The following FARP1 variants were observed in gnomAD, a reference collection of about 807,000 sequenced individuals.
The protein encoded by FARP1 is FERM, ARHGEF and pleckstrin domain-containing protein 1.
In FARP1, 52 loss-of-function variants were observed where a neutral mutation model predicts 128.8. That is an observed-to-expected ratio of 0.40 (90% CI 0.32 to 0.51). The LOEUF is 0.51. Ranked by LOEUF, FARP1 falls within the 20% of genes least tolerant of loss-of-function variation. The pLI is 0.45. For missense variants in FARP1, 1,333 were observed against 1,367.9 expected (o/e 0.97, Z 0.40); for synonymous variants, 580 against 551.8 (o/e 1.05, Z -0.72).
At chr13:98,285,884 C>A (rs1183265968) in intron 2 of FARP1, among the ~76,000 whole-genome samples, 1 of 152,184 alleles carries the variant, frequency 6.6e-6, no homozygotes, top group Non-Finnish European at 1.5e-5. Context: ...TTGCTCCAGG[C>A]TACTGTCTTC....
chr13:98,240,301 C>T (rs1166540468), intron 2 of FARP1, among the ~76,000 whole-genome samples: 2 of 152,184 alleles, frequency 1.3e-5, no homozygotes, highest in Non-Finnish European at 2.9e-5. Flanking sequence ...GAGTGCTGGC[C>T]TTGAAACTCA....
intron 1 of FARP1, among the ~76,000 whole-genome samples, chr13:98,199,293 G>A (rs1216230567): frequency 6.6e-6 from 1 of 151,978 alleles, no homozygotes; most frequent in African/African-American, 2.4e-5. Flanking sequence ...TTTAAAATTC[G>A]TTTAATACCT....
intron 6 of FARP1, among the ~76,000 whole-genome samples, chr13:98,382,021 A>T (rs1350176314): frequency 1.3e-5 from 2 of 151,862 alleles, no homozygotes; most frequent in African/African-American, 4.8e-5. Flanking sequence ...CCAAGAGTTC[A>T]AGACTAGCCT....
intron 2 of FARP1, among the ~76,000 whole-genome samples, chr13:98,247,931 C>T (rs1326781524): frequency 3.3e-5 from 5 of 152,264 alleles, no homozygotes; most frequent in Non-Finnish European, 5.9e-5. Flanking sequence ...GATCAGCAGT[C>T]GTATGATAAG....
chr13:98,275,428 A>G (rs1219195870), intron 2 of FARP1, among the ~76,000 whole-genome samples: 2 of 151,066 alleles, frequency 1.3e-5, no homozygotes, highest in Non-Finnish European at 2.9e-5. Flanking sequence ...AGGATTGGCC[A>G]TGAGTTGATG....
chr13:98,188,811 G>A (rs564488760), intron 1 of FARP1, among the ~76,000 whole-genome samples: 38 of 152,308 alleles, frequency 2.5e-4, no homozygotes, highest in Non-Finnish European at 5.4e-4. Context: ...TGTTCGGGGG[G>A]TGAAACGGGG....
intron 2 of FARP1, among the ~76,000 whole-genome samples, chr13:98,293,198 C>G (rs1885524601): frequency 6.6e-6 from 1 of 152,142 alleles, no homozygotes; most frequent in Non-Finnish European, 1.5e-5. Context: ...GTTTTCTCTT[C>G]TAGCATAAAG....
chr13:98,293,022 A>G (rs1566841932), intron 2 of FARP1, among the ~76,000 whole-genome samples: 1 of 152,130 alleles, frequency 6.6e-6, no homozygotes, highest in Non-Finnish European at 1.5e-5. Flanking sequence ...TAGGAAAGAA[A>G]GGGGGAAGCA....
At chr13:98,438,028 T>C (rs1452873776) in intron 19 of FARP1, among the ~76,000 whole-genome samples, 1 of 152,182 alleles carries the variant, frequency 6.6e-6, no homozygotes, top group Admixed American at 6.5e-5. Flanking sequence ...ATGGTGGCGA[T>C]GGTGGGGCTA....
intron 2 of FARP1, among the ~76,000 whole-genome samples, chr13:98,319,827 C>A (rs1192429722): frequency 1.3e-5 from 2 of 151,950 alleles, no homozygotes; most frequent in African/African-American, 4.8e-5. Context: ...AATCTGGATA[C>A]CTACAGTTGC....
intron 1 of FARP1, among the ~76,000 whole-genome samples, chr13:98,146,474 C>T (rs1390066552): frequency 2.0e-5 from 3 of 152,180 alleles, no homozygotes; most frequent in Non-Finnish European, 2.9e-5. Flanking sequence ...GTGATTTGCC[C>T]GCTTCGGCCT....
intron 2 of FARP1, among the ~76,000 whole-genome samples, chr13:98,318,335 G>C (rs1361016272): frequency 1.3e-5 from 2 of 152,084 alleles, no homozygotes; most frequent in Non-Finnish European, 2.9e-5. Flanking sequence ...GGGATTTCAG[G>C]CATGAGCCAC....
chr13:98,279,666 G>T (rs1884838752), intron 2 of FARP1, among the ~76,000 whole-genome samples: 1 of 152,218 alleles, frequency 6.6e-6, no homozygotes, highest in Admixed American at 6.5e-5. Flanking sequence ...AGGAGCTTGG[G>T]TGGGGCCCCT....
At chr13:98,358,791 A>G (rs1888742755) in intron 3 of FARP1, among the ~76,000 whole-genome samples, 1 of 151,792 alleles carries the variant, frequency 6.6e-6, no homozygotes, top group South Asian at 2.1e-4. Context: ...ACCTGCCACC[A>G]CGCCCGGCTA....
rs1376430084 is a variant in FARP1 at position 98,448,942 on chromosome 13, A to C, written c.*625A>C. On this transcript the variant is annotated 3_prime_UTR_variant, in exon 27 of 27. Coordinates refer to ENST00000319562, the MANE Select transcript of FARP1 (RefSeq NM_005766.4). ...ACCTGAAAACACCTGTTCCCAACCT[A>C]CTTCTTGGTGCAAGTTGACCAAATC... is the stretch of plus-strand genomic sequence containing the variant. 1 of 152,114 alleles carries C rather than the reference A, an allele frequency of 6.6e-6. No individual in the cohort carries two copies. The highest frequency in any genetic ancestry group is 2.4e-5 in the African/African-American group (1 of 41,396). The allele number at this position is 152,114 out of a possible 1,614,324, so 9.4% of individuals were successfully genotyped here.
chr13:98,343,665 C>A, intron 2 of FARP1, 97 bp from the exon 3 acceptor site: 1 of 852,934 alleles, frequency 1.2e-6, no homozygotes, highest in Non-Finnish European at 2.0e-6. Flanking sequence ...GAAGGACCTG[C>A]AGACTTAGGA....
chr13:98,167,059 T>G (rs1877316260), intron 1 of FARP1, among the ~76,000 whole-genome samples: 1 of 152,170 alleles, frequency 6.6e-6, no homozygotes, highest in Non-Finnish European at 1.5e-5. Flanking sequence ...TGCACTTTTC[T>G]TACTACTCGT....
In FARP1 at chr13:98,295,086, CACACACACACACACACACAT is replaced by C. The variant is rs1468246221; in HGVS notation, c.172-48674_172-48655del. Reference sequence around the variant, plus strand: ...ACACACACACACACACACACACACACACACACACACACACACACATATATCCCCAGGCATTATTTATTTAT... The same window carrying C: ...ACACACACACACACACACACACACACATATCCCCAGGCATTATTTATTTAT... On this transcript the variant is annotated intron_variant, in intron 2 of 26. Coordinates refer to ENST00000319562, the MANE Select transcript of FARP1 (RefSeq NM_005766.4). Among the ~76,000 whole-genome samples, 236 of 78,850 alleles carry C rather than the reference CACACACACACACACACACAT, an allele frequency of 3.0e-3. 11 individuals are homozygous for C. Among genetic ancestry groups the C allele is most frequent in the African/African-American group, 3.9e-3 (80 of 20,684 alleles). 51.7% of individuals were successfully genotyped at this position (78,850 alleles called of 152,430 possible).
rs190035749 is a variant in FARP1 at position 98,185,141 on chromosome 13, G to A, written c.-23-28079G>A. Among the ~76,000 whole-genome samples, 272 of 152,306 alleles carry A rather than the reference G, an allele frequency of 1.8e-3. 1 individual carries two copies. The highest frequency in any genetic ancestry group is 6.2e-3 in the African/African-American group (259 of 41,570). ...AAGTAAAATGTAAAATAATTGGGAA[G>A]TGATGATTTTTGAGTATTCATTACT... is the stretch of plus-strand genomic sequence containing the variant. On this transcript the variant is annotated intron_variant, in intron 1 of 26. Transcript: ENST00000319562.
Sources: gnomAD v4.1 joint callset for allele counts (sites outside exome capture counted in the v4.1 genomes callset) on GRCh38, gnomAD v4.1.1 for gene constraint, MANE v1.5 for transcripts, NCBI Gene and HGNC (gene_info 2026-07-23, HGNC 2026-07-21) for gene names.